ANK3: variants seen among roughly 807,000 people sequenced by gnomAD.
The protein encoded by ANK3 is ankyrin 3, also known as ankyrin-3.
Under a neutral mutation model 370.9 loss-of-function variants are expected in ANK3, and 57 were observed. That is an observed-to-expected ratio of 0.15 (90% CI 0.12 to 0.19). The LOEUF (loss-of-function observed/expected upper bound fraction) is 0.19, where lower values mean the gene tolerates loss of function less well. ANK3 is among the 10% of genes least tolerant of loss of function. ANK3 has a pLI of 1.00. For missense variants in ANK3, 4,439 were observed against 5,302.1 expected, an observed-to-expected ratio of 0.84 and a Z score of 5.06; for synonymous variants, 1,929 against 1,946.3, an observed-to-expected ratio of 0.99 and a Z score of 0.23.
At position 60,075,055 on chromosome 10, in the gene ANK3, T is replaced by A; in HGVS notation, c.5826A>T (p.Glu1942Asp). ...ELPKEGRIDD[E>D]EPFKIVEKVK... ...CTTTCTCTACAATTTTGAAAGGTTC[T>A]TCATCATCTATTCTCCCTTCCTTTG... Residue 1942 changes from glutamate (E) to aspartate (D), a missense_variant, in exon 37 of 44, where the codon GAA becomes GAT. Glu to Asp is a conservative substitution (Grantham distance 45). This residue lies in a region of ANK3 where 679 missense variants were observed against 791.0 expected (regional missense o/e 0.86). Coordinates refer to ENST00000280772, the MANE Select transcript of ANK3 (RefSeq NM_020987.5). 6.2e-7 allele frequency: 1 copy of A among 1,614,034 alleles called. No individual in the cohort carries two copies. The highest frequency in any genetic ancestry group is 8.5e-7 in the Non-Finnish European group (1 of 1,180,010).
rs370948701 is a variant in ANK3 at position 60,074,329 on chromosome 10, G to T, written c.6552C>A (p.Pro2184=). 2.4e-5 allele frequency: 38 copies of T among 1,613,818 alleles called. No individual in the cohort carries two copies. Among genetic ancestry groups the T allele is most frequent in the Admixed American group, 1.7e-5 (1 of 59,984 alleles). ...ACACAGGCTCCTCTGGTTGGGTCTGGGGAACATCCCCAGCTGAGGGATCAT... is the reference window on the plus strand; with the variant it reads ...ACACAGGCTCCTCTGGTTGGGTCTGTGGAACATCCCCAGCTGAGGGATCAT... ...RSYDPSAGDV[P]QTQPEEPVSP... The change falls in exon 37 of 44, where the codon CCC becomes CCA. Residue 2184 remains proline (P), a synonymous_variant. Transcript: ENST00000280772.
intron 2 of ANK3, among the ~76,000 whole-genome samples, chr10:60,472,525 G>T (rs1479870898): frequency 6.6e-6 from 1 of 152,130 alleles, no homozygotes; most frequent in East Asian, 1.9e-4. Context: ...AATAGAGTTG[G>T]GTTTTTGTTT....
chr10:60,076,816 TTA>T (rs974534050), intron 36 of ANK3, among the ~76,000 whole-genome samples: 1 of 152,194 alleles, frequency 6.6e-6, no homozygotes, highest in African/African-American at 2.4e-5. Context: ...ATTGACTTTC[TTA>T]TGTGTTGGTT....
intron 1 of ANK3, among the ~76,000 whole-genome samples, chr10:60,727,521 TG>T (rs2079958175): frequency 1.3e-5 from 2 of 152,156 alleles, no homozygotes; most frequent in South Asian, 4.1e-4. Flanking sequence ...TTCAACAAAT[TG>T]TACACTTAAA....
At chr10:60,259,021 A>C (rs2097771215) in intron 7 of ANK3, among the ~76,000 whole-genome samples, 1 of 152,198 alleles carries the variant, frequency 6.6e-6, no homozygotes, top group Admixed American at 6.5e-5. Flanking sequence ...ATACAATTTG[A>C]TCCTGTCTGC....
rs202183299 is a variant in ANK3 at position 60,072,580 on chromosome 10, C to G, written c.8301G>C (p.Gln2767His). Residue 2767 changes from glutamine to histidine, a missense_variant, in exon 37 of 44, where the codon CAG (glutamine) becomes CAC (histidine). Gln to His is a conservative substitution (Grantham distance 24). Coordinates refer to ENST00000280772, the MANE Select transcript of ANK3 (RefSeq NM_020987.5). The part of the protein sequence containing the change: ...PVYQVFAREK[Q>H]QKAIDLPDES... ...CATCTGGGAGGTCTATGGCCTTCTG[C>G]TGTTTTTCTCTAGCAAAAACTTGGT... is the stretch of plus-strand genomic sequence containing the variant. 4.3e-6 allele frequency: 7 copies of G among 1,613,554 alleles called. No individual in the cohort carries two copies. Among genetic ancestry groups the G allele is most frequent in the Non-Finnish European group, 5.9e-6 (7 of 1,179,830 alleles).
intron 1 of ANK3, among the ~76,000 whole-genome samples, chr10:60,622,250 G>A (rs1358539755): frequency 7.4e-6 from 1 of 134,966 alleles, no homozygotes; most frequent in Admixed American, 8.0e-5. Context: ...TAGGCCTGAG[G>A]CTTTTTTTTT....
At chr10:60,470,901 C>T (rs2065201994) in intron 2 of ANK3, among the ~76,000 whole-genome samples, 2 of 152,104 alleles carry the variant, frequency 1.3e-5, no homozygotes, top group African/African-American at 4.8e-5. Flanking sequence ...CATCCTTTCC[C>T]ACATCCCCCA....
intron 2 of ANK3, among the ~76,000 whole-genome samples, chr10:60,517,996 T>A (rs2076261988): frequency 6.6e-6 from 1 of 152,084 alleles, no homozygotes; most frequent in Non-Finnish European, 1.5e-5. Context: ...TAATACTACA[T>A]CTCAGAGAAG....
intron 23 of ANK3, among the ~76,000 whole-genome samples, chr10:60,164,870 T>G (rs2095584698): frequency 6.6e-6 from 1 of 152,150 alleles, no homozygotes; most frequent in Admixed American, 6.6e-5. Flanking sequence ...GCCATTTGAT[T>G]CCAATAGCCC....
chr10:60,441,198 G>A (rs192532450), intron 2 of ANK3, among the ~76,000 whole-genome samples: 4 of 152,080 alleles, frequency 2.6e-5, no homozygotes, highest in African/African-American at 7.2e-5. Context: ...CTCTTGCATC[G>A]TTCAGATTTA....
intron 25 of ANK3, among the ~76,000 whole-genome samples, chr10:60,121,419 G>A (rs1282030559): frequency 6.6e-6 from 1 of 151,024 alleles, no homozygotes. Flanking sequence ...AAGGCAGGGT[G>A]CATGGCACAT....
intron 1 of ANK3, among the ~76,000 whole-genome samples, chr10:60,730,111 C>T (rs568754075): frequency 2.0e-5 from 3 of 152,240 alleles, no homozygotes; most frequent in South Asian, 4.1e-4. Flanking sequence ...AAAAAAGATG[C>T]ATGGTCCTCA....
intron 42 of ANK3, chr10:60,044,022 G>A: frequency 3.0e-6 from 3 of 985,812 alleles, no homozygotes; most frequent in Non-Finnish European, 3.6e-6. Context: ...TTTCTAGGGA[G>A]TGCACAAAGC....
intron 2 of ANK3, chr10:60,572,434 G>A: frequency 6.5e-7 from 1 of 1,532,808 alleles, no homozygotes; most frequent in Non-Finnish European, 8.7e-7. Flanking sequence ...AGAGAACAAT[G>A]AAGAGAACAT....
At chr10:60,544,503 T>C (rs1194675245) in intron 2 of ANK3, among the ~76,000 whole-genome samples, 1 of 152,164 alleles carries the variant, frequency 6.6e-6, no homozygotes, top group East Asian at 1.9e-4. Context: ...TTAATCACCA[T>C]TAATAACCTT....
intron 8 of ANK3, among the ~76,000 whole-genome samples, chr10:60,227,939 A>T (rs914436147): frequency 1.1e-4 from 16 of 152,162 alleles, no homozygotes; most frequent in African/African-American, 2.9e-4. Flanking sequence ...TAGTAATTTT[A>T]AAATTACATA....
intron 2 of ANK3, among the ~76,000 whole-genome samples, chr10:60,475,037 G>A (rs2075023282): frequency 6.6e-6 from 1 of 152,082 alleles, no homozygotes; most frequent in African/African-American, 2.4e-5. Flanking sequence ...ATTGAAATGT[G>A]TGTCATTCAG....
chr10:60,644,642 A>C (rs1030278688), intron 1 of ANK3, among the ~76,000 whole-genome samples: 2 of 152,220 alleles, frequency 1.3e-5, no homozygotes, highest in Non-Finnish European at 2.9e-5. Context: ...TATTCTTGGC[A>C]AATAATTCTC....
Sources: allele counts gnomAD v4.1 joint callset (sites outside exome capture counted in the v4.1 genomes callset), GRCh38; gene constraint gnomAD v4.1.1; regional missense constraint gnomAD v4.1.1; transcripts MANE v1.5; gene names NCBI Gene and HGNC (gene_info 2026-07-23, HGNC 2026-07-21).